FUNDC2: variants seen among roughly 807,000 people sequenced by gnomAD.
FUNDC2 encodes the protein FUN14 domain-containing protein 2.
In FUNDC2, 4 loss-of-function variants were observed where a neutral mutation model predicts 15.6. That is an observed-to-expected ratio of 0.26 (90% CI 0.13 to 0.59). FUNDC2 has a LOEUF of 0.59. Ranked by LOEUF, FUNDC2 falls within the 20% of genes least tolerant of loss-of-function variation. The pLI, the probability that FUNDC2 is intolerant of heterozygous loss-of-function variation, is 0.90. For missense variants in FUNDC2, 98 were observed against 149.7 expected (o/e 0.65, Z 1.80); for synonymous variants, 44 against 56.9 (o/e 0.77, Z 1.02).
At chrX:155,032,661 G>C (rs2073819562) in intron 1 of FUNDC2, among the ~76,000 whole-genome samples, 1 of 111,314 alleles carries the variant, frequency 9.0e-6, no homozygotes, top group Admixed American at 9.5e-5. Flanking sequence ...TTAATGTTTA[G>C]CACATTGCCT....
intron 2 of FUNDC2, among the ~76,000 whole-genome samples, chrX:155,046,041 A>G (rs1475825073): frequency 9.1e-6 from 1 of 110,043 alleles, no homozygotes; most frequent in Admixed American, 9.7e-5. Context: ...ATTGTAAAAA[A>G]TGCCACATTC....
At position 155,055,127 on chromosome X, in the gene FUNDC2, G is replaced by A. The variant is rs981069423; in HGVS notation, c.*455G>A. ...GCATGAAAGATTTTGGTATCTTGGT[G>A]TCTACTTTCTTTTTTAGTTGGTTTT... On this transcript the variant is annotated 3_prime_UTR_variant, in exon 5 of 5. Coordinates refer to ENST00000369498, the MANE Select transcript of FUNDC2 (RefSeq NM_023934.4). 2.7e-5 allele frequency: 8 copies of A among 296,454 alleles called. No homozygotes were observed. The highest frequency in any genetic ancestry group is 4.7e-5 in the Non-Finnish European group (8 of 170,614). 24.4% of individuals were successfully genotyped at this position (296,454 alleles called of 1,213,427 possible).
intron 2 of FUNDC2, among the ~76,000 whole-genome samples, chrX:155,038,860 C>T (rs1274536657): frequency 8.9e-6 from 1 of 112,306 alleles, no homozygotes; most frequent in Non-Finnish European, 1.9e-5. Flanking sequence ...GCTGTATACC[C>T]AGTAGTGTGA....
rs368875957 is a variant in FUNDC2, at chrX:155,055,443, A to AT, written c.*782dup. Reference sequence around the variant, plus strand: ...ATAACTCCTCTGTGCCACTTCTACTATTTTTTTTTTTAATCTAGTTAGTAT... The same window carrying AT: ...ATAACTCCTCTGTGCCACTTCTACTATTTTTTTTTTTTAATCTAGTTAGTAT... On this transcript the variant is annotated 3_prime_UTR_variant, in exon 5 of 5. Coordinates refer to ENST00000369498, the MANE Select transcript of FUNDC2 (RefSeq NM_023934.4). 836 of 225,419 alleles carry AT rather than the reference A, an allele frequency of 3.7e-3. No individual in the cohort carries two copies. The highest frequency in any genetic ancestry group is 4.9e-3 in the Middle Eastern group (4 of 813). 18.6% of individuals were successfully genotyped at this position (225,419 alleles called of 1,213,427 possible).
In FUNDC2 at chrX:155,054,628, A is replaced by G. The variant is rs782693895; in HGVS notation, c.526A>G (p.Thr176Ala). ...VSFVKKNVLV[T>A]GGFFGGFLLG... The stretch of plus-strand genomic sequence containing the variant: ...ATTTGTGAAGAAGAATGTTCTAGTA[A>G]CTGGGGGATTTTTCGGAGGCTTTCT... Residue 176 changes from threonine (T) to alanine (A), a missense_variant, in exon 5 of 5, where the codon ACT becomes GCT. Physicochemically the swap from Thr to Ala is moderately conservative, Grantham distance 58. Transcript: ENST00000369498. The G allele has an allele frequency of 7.4e-6, 9 of 1,209,391 alleles. No individual in the cohort carries two copies. The highest frequency in any genetic ancestry group is 8.9e-6 in the Non-Finnish European group (8 of 894,934).
rs1192452259 is a variant in FUNDC2 at position 155,058,362 on chromosome X, G to C, written c.*3690G>C. On this transcript the variant is annotated 3_prime_UTR_variant, in exon 5 of 5. Transcript: ENST00000369498. ...AGAATAGTCTCTCCATCATTCTTTT[G>C]TTTCACGGTTGTCAGAAAGATGGGC... 1.8e-5 allele frequency: 2 copies of C among 111,852 alleles called. No homozygotes were observed. Among genetic ancestry groups the C allele is most frequent in the African/African-American group, 3.3e-5 (1 of 30,701 alleles). 9.2% of individuals were successfully genotyped at this position (111,852 alleles called of 1,213,427 possible). A position where few individuals can be genotyped will look rare whatever the true frequency, so the allele number is the denominator to read the frequency against.
chrX:155,030,708 G>A (rs782119063), intron 1 of FUNDC2, among the ~76,000 whole-genome samples: 14 of 89,721 alleles, frequency 1.6e-4, no homozygotes, highest in African/African-American at 5.8e-4. Flanking sequence ...TTTTTGAGAT[G>A]GAGTTTCGCT....
intron 4 of FUNDC2, 88 bp downstream of exon 4, chrX:155,051,889 CA>C: frequency 8.3e-6 from 8 of 959,929 alleles, no homozygotes; most frequent in Non-Finnish European, 1.2e-5. Flanking sequence ...CAGTGATGGA[CA>C]GGGCTTAAGC....
chrX:155,054,381 C>T (rs2073887417), intron 4 of FUNDC2: 3 of 746,678 alleles, frequency 4.0e-6, no homozygotes, highest in Non-Finnish European at 4.7e-6. Context: ...TTATTCTCCC[C>T]ACACCAGCCA....
At chrX:155,054,513 T>C (rs2073887998) in intron 4 of FUNDC2, 82 bp from the exon 5 acceptor site, 6 of 1,185,505 alleles carry the variant, frequency 5.1e-6, no homozygotes, top group Non-Finnish European at 6.8e-6. Context: ...TTGTTAAGAC[T>C]GGCATAGGTA....
chrX:155,058,612 C>A lies in FUNDC2; in HGVS notation c.*3940C>A, dbSNP rs2073916957. Reference sequence around the variant, plus strand: ...CTCTACCAAATTATCAGCTTCATTTCTTTGTCATGAAATCTAGTATGATTT... The same window carrying A: ...CTCTACCAAATTATCAGCTTCATTTATTTGTCATGAAATCTAGTATGATTT... On this transcript the variant is annotated 3_prime_UTR_variant, in exon 5 of 5. Transcript: ENST00000369498. 9.1e-6 allele frequency: 1 copy of A among 110,069 alleles called. No individual in the cohort carries two copies. The highest frequency in any genetic ancestry group is 9.7e-5 in the Admixed American group (1 of 10,258). 9.1% of individuals were successfully genotyped at this position (110,069 alleles called of 1,213,427 possible). A position where few individuals can be genotyped will look rare whatever the true frequency, so the allele number is the denominator to read the frequency against.
At chrX:155,053,950 A>C (rs1603439039) in intron 4 of FUNDC2, 1 of 751,877 alleles carries the variant, frequency 1.3e-6, no homozygotes, top group East Asian at 1.5e-4. Flanking sequence ...GAGTGTCTGA[A>C]TGTATGCACT....
At chrX:155,030,942 C>T (rs2073813143) in intron 1 of FUNDC2, among the ~76,000 whole-genome samples, 1 of 111,362 alleles carries the variant, frequency 9.0e-6, no homozygotes, top group South Asian at 3.7e-4. Context: ...CCGCCTCGGC[C>T]TCCCAAAGTG....
chrX:155,054,587 G>C lies in FUNDC2; in HGVS notation c.493-8G>C, dbSNP rs1557290717. On this transcript the variant is annotated splice_polypyrimidine_tract_variant and splice_region_variant and intron_variant, in intron 4 of 4. Coordinates refer to ENST00000369498, the MANE Select transcript of FUNDC2 (RefSeq NM_023934.4). ...AAAACAACCCATTGTACTATCTTCT[G>C]TTTTCAGGTGGTGTCATTTGTGAAG... The C allele has an allele frequency of 3.3e-6, 4 of 1,210,820 alleles. No individual in the cohort carries two copies. The highest frequency in any genetic ancestry group is 2.2e-6 in the Non-Finnish European group (2 of 894,947).
chrX:155,047,023 C>T (rs2073864980), intron 3 of FUNDC2: 1 of 213,749 alleles, frequency 4.7e-6, no homozygotes, highest in South Asian at 6.5e-5. Context: ...TCTCCTTGAC[C>T]CATAGTTTCA....
At chrX:155,042,663 G>GT (rs35688498) in intron 2 of FUNDC2, among the ~76,000 whole-genome samples, 1,291 of 111,401 alleles carry the variant, frequency 0.012, 18 homozygotes, top group African/African-American at 0.039. Context: ...CATTAATACT[G>GT]TTTACTTTTT....
chrX:155,057,033 GCCTCATCCT>G lies in FUNDC2; in HGVS notation c.*2362_*2370del, dbSNP rs1569560284. The stretch of plus-strand genomic sequence containing the variant: ...TGGTTGAGGTCAGTATTGCAGGTTG[GCCTCATCCT>G]GCTAGTATGAGAACGGCTGTGAGTT... On this transcript the variant is annotated 3_prime_UTR_variant, in exon 5 of 5. Coordinates refer to ENST00000369498, the MANE Select transcript of FUNDC2 (RefSeq NM_023934.4). 2 of 97,464 alleles carry G rather than the reference GCCTCATCCT, an allele frequency of 2.1e-5. No homozygotes were observed. Among genetic ancestry groups the G allele is most frequent in the African/African-American group, 3.8e-5 (1 of 26,157 alleles). 8.0% of individuals were successfully genotyped at this position (97,464 alleles called of 1,213,427 possible).
At position 155,057,763 on chromosome X, in the gene FUNDC2, G is replaced by T. The variant is rs146709716; in HGVS notation, c.*3091G>T. On this transcript the variant is annotated 3_prime_UTR_variant, in exon 5 of 5. Transcript: ENST00000369498. ...GTCTCTCCCGCAATGGGACCTGGTGGGATGGGGACTTGGAGCATGCTACAG... is the reference window on the plus strand; with the variant it reads ...GTCTCTCCCGCAATGGGACCTGGTGTGATGGGGACTTGGAGCATGCTACAG... The T allele has an allele frequency of 4.5e-5, 5 of 111,431 alleles. No individual in the cohort carries two copies. Among genetic ancestry groups the T allele is most frequent in the Admixed American group, 9.5e-5 (1 of 10,528 alleles). 9.2% of individuals were successfully genotyped at this position (111,431 alleles called of 1,213,427 possible). A position where few individuals can be genotyped will look rare whatever the true frequency, so the allele number is the denominator to read the frequency against.
intron 3 of FUNDC2, chrX:155,049,958 T>G (rs1049888969): frequency 4.4e-5 from 5 of 112,386 alleles, no homozygotes; most frequent in African/African-American, 1.6e-4. Flanking sequence ...AACTCACTTT[T>G]TTAGTCTAGG....
Sources: gnomAD v4.1 joint callset for allele counts (sites outside exome capture counted in the v4.1 genomes callset) on GRCh38, gnomAD v4.1.1 for gene constraint, MANE v1.5 for transcripts, NCBI Gene and HGNC (gene_info 2026-07-23, HGNC 2026-07-21) for gene names.